The following SLC44A5 variants were observed in gnomAD, a reference collection of about 807,000 sequenced individuals.
SLC44A5 encodes solute carrier family 44 member 5, also known as choline transporter-like protein 5.
In SLC44A5, 57 loss-of-function variants were observed where a neutral mutation model predicts 101.8. The observed-to-expected ratio is 0.56, with a 90% CI of 0.45 to 0.70. The LOEUF (loss-of-function observed/expected upper bound fraction) is 0.70. Ranked by LOEUF, SLC44A5 falls within the 30% of genes least tolerant of loss-of-function variation. SLC44A5 has a pLI of 0.00. For missense variants in SLC44A5, 737 were observed against 853.1 expected, an observed-to-expected ratio of 0.86 and a Z score of 1.70; for synonymous variants, 281 against 290.9, an observed-to-expected ratio of 0.97 and a Z score of 0.35.
At chr1:75,308,337 T>C (rs1014905053) in intron 4 of SLC44A5, among the ~76,000 whole-genome samples, 3 of 152,184 alleles carry the variant, frequency 2.0e-5, no homozygotes, top group Non-Finnish European at 4.4e-5. Context: ...CTTGAGAGAA[T>C]AGCTTTAACT....
At position 75,533,001 on chromosome 1, in the gene SLC44A5, C is replaced by T. The variant is rs1445526325; in HGVS notation, c.13+8434G>A. On this transcript the variant is annotated intron_variant, in intron 2 of 23. Coordinates refer to ENST00000370859, the MANE Select transcript of SLC44A5 (RefSeq NM_001130058.2). Reference sequence around the variant, plus strand: ...TTCCTTATTGAAACAGTTTCTACTTCTTGTTCATCGCCACAAATTGCACTT... The same window carrying T: ...TTCCTTATTGAAACAGTTTCTACTTTTTGTTCATCGCCACAAATTGCACTT... Among the ~76,000 whole-genome samples the T allele has an allele frequency of 5.9e-5, 9 of 152,196 alleles. No homozygotes were observed. The East Asian group carries it at 1.7e-3, about 29-fold the overall frequency.
chr1:75,696,852 G>A, the SLC44A5 span, among the ~76,000 whole-genome samples: 9 of 151,576 alleles, frequency 5.9e-5, no homozygotes, highest in South Asian at 2.1e-4. Context: ...GCAGTGAGCC[G>A]AGATCCAGAC....
intron 3 of SLC44A5, among the ~76,000 whole-genome samples, chr1:75,383,594 A>G (rs1421594034): frequency 6.6e-6 from 1 of 152,218 alleles, no homozygotes; most frequent in Non-Finnish European, 1.5e-5. Context: ...TGTACCTGAA[A>G]GTGACGGGGA....
chr1:75,681,592 T>C, the SLC44A5 span, among the ~76,000 whole-genome samples: 3 of 150,968 alleles, frequency 2.0e-5, no homozygotes, highest in South Asian at 6.3e-4. Flanking sequence ...AAATTAGGTA[T>C]TGATGGGACA....
intron 3 of SLC44A5, among the ~76,000 whole-genome samples, chr1:75,359,623 G>C (rs2101108801): frequency 1.3e-5 from 2 of 152,192 alleles, no homozygotes; most frequent in South Asian, 4.1e-4. Context: ...TACTACTGCA[G>C]TGAAATATGG....
At chr1:75,240,018 G>A (rs1260991419) in intron 9 of SLC44A5, among the ~76,000 whole-genome samples, 6 of 151,854 alleles carry the variant, frequency 4.0e-5, no homozygotes, top group Non-Finnish European at 5.9e-5. Flanking sequence ...CTATCTAGAG[G>A]GTCCCTTGAC....
chr1:75,638,772 T>C, the SLC44A5 span, among the ~76,000 whole-genome samples: 1 of 152,118 alleles, frequency 6.6e-6, no homozygotes, highest in African/African-American at 2.4e-5. Context: ...CTTTCCACTA[T>C]GTATATTTAC....
chr1:75,297,257 T>C (rs1029669149), intron 5 of SLC44A5, among the ~76,000 whole-genome samples: 9 of 152,182 alleles, frequency 5.9e-5, no homozygotes, highest in African/African-American at 2.2e-4. Flanking sequence ...AGTAATCAAT[T>C]TAAAAAGAAA....
rs533751284 is a variant in SLC44A5 at position 75,444,365 on chromosome 1, G to T, written c.14-47744C>A. ...GGAGGGAAGGAAGGAAGGGAGGGAGGGAGGGAGGAAAGAAGGAAGGGAAGA... is the reference window on the plus strand; with the variant it reads ...GGAGGGAAGGAAGGAAGGGAGGGAGTGAGGGAGGAAAGAAGGAAGGGAAGA... On this transcript the variant is annotated intron_variant, in intron 2 of 23. Transcript: ENST00000370859. Among the ~76,000 whole-genome samples the T allele has an allele frequency of 8.8e-3, 1,253 of 143,058 alleles. 6 individuals are homozygous for T. Among genetic ancestry groups the T allele is most frequent in the Non-Finnish European group, 0.013 (869 of 65,610 alleles). The allele number at this position is 143,058 out of a possible 152,430, so 93.9% of individuals were successfully genotyped here. A position where few individuals can be genotyped will look rare whatever the true frequency, so the allele number is the denominator to read the frequency against.
At chr1:75,222,283 G>T in intron 14 of SLC44A5, 78 bp downstream of exon 14, 1 of 1,076,124 alleles carries the variant, frequency 9.3e-7, no homozygotes. Flanking sequence ...GAAAATAGGT[G>T]AGATATTTAT....
intron 1 of SLC44A5, among the ~76,000 whole-genome samples, chr1:75,570,001 G>C (rs1672990487): frequency 1.3e-5 from 2 of 152,224 alleles, no homozygotes; most frequent in South Asian, 4.1e-4. Flanking sequence ...TCGGAAGCCA[G>C]AGTAGAACAT....
intron 3 of SLC44A5, among the ~76,000 whole-genome samples, chr1:75,349,357 A>G (rs565968445): frequency 2.0e-5 from 3 of 152,294 alleles, no homozygotes; most frequent in East Asian, 3.9e-4. Context: ...ACAAAAAAAA[A>G]GTAGTTGTTA....
intron 1 of SLC44A5, among the ~76,000 whole-genome samples, chr1:75,593,722 A>G (rs1345832954): frequency 1.3e-5 from 2 of 152,126 alleles, no homozygotes; most frequent in Non-Finnish European, 2.9e-5. Flanking sequence ...ATGTTAAGCG[A>G]AATAAGCAGG....
the SLC44A5 span, among the ~76,000 whole-genome samples, chr1:75,706,351 T>A: frequency 8.6e-4 from 131 of 152,316 alleles, no homozygotes; most frequent in Non-Finnish European, 1.5e-3. Context: ...GATGAGGTTC[T>A]TCTTTTGACC....
intron 2 of SLC44A5, among the ~76,000 whole-genome samples, chr1:75,433,705 A>G (rs931065473): frequency 1.3e-5 from 2 of 152,176 alleles, no homozygotes; most frequent in African/African-American, 4.8e-5. Flanking sequence ...TGGCACCTCA[A>G]ACTAAACAGA....
the SLC44A5 span, among the ~76,000 whole-genome samples, chr1:75,633,888 A>C: frequency 6.6e-6 from 1 of 152,196 alleles, no homozygotes; most frequent in South Asian, 2.1e-4. Context: ...ATTTTGAGAT[A>C]TGTCCCATCA....
At chr1:75,616,830 G>C in the SLC44A5 span, among the ~76,000 whole-genome samples, 1 of 152,208 alleles carries the variant, frequency 6.6e-6, no homozygotes, top group South Asian at 2.1e-4. Context: ...TTCCCTTGGG[G>C]CTGTGGGAAA....
intron 4 of SLC44A5, among the ~76,000 whole-genome samples, chr1:75,335,992 G>A (rs1470748986): frequency 1.3e-5 from 2 of 152,100 alleles, no homozygotes; most frequent in Non-Finnish European, 2.9e-5. Flanking sequence ...TGCTTGTGGG[G>A]TCTTGTCATC....
At position 75,238,527 on chromosome 1, in the gene SLC44A5, G is replaced by C; in HGVS notation, c.642C>G (p.Leu214=). The C allele has an allele frequency of 6.3e-7, 1 of 1,595,716 alleles. No individual in the cohort carries two copies. Among genetic ancestry groups the C allele is most frequent in the Non-Finnish European group, 8.5e-7 (1 of 1,172,376 alleles). The change falls in exon 10 of 24, where the codon CTC becomes CTG. Residue 214 remains leucine (L), a synonymous_variant. Transcript: ENST00000370859. ...AACACACATACTTTGCAGCAATCCCGAGTTCTACAACACTTCTTGTCCCTC... is the reference window on the plus strand; with the variant it reads ...AACACACATACTTTGCAGCAATCCCCAGTTCTACAACACTTCTTGTCCCTC... ...GNGGTRSVVE[L]GIAANGINKL... is the part of the protein sequence containing the mutation.
Sources: gnomAD v4.1 joint callset for allele counts (sites outside exome capture counted in the v4.1 genomes callset) on GRCh38, gnomAD v4.1.1 for gene constraint, MANE v1.5 for transcripts, NCBI Gene and HGNC (gene_info 2026-07-23, HGNC 2026-07-21) for gene names.